The following SLC44A2 variants were observed in gnomAD, a reference collection of about 807,000 sequenced individuals.
SLC44A2 encodes choline transporter-like protein 2.
A neutral mutation model predicts 90.8 loss-of-function variants in SLC44A2; 57 were observed. The observed-to-expected ratio is 0.63, with a 90% CI of 0.51 to 0.78. SLC44A2 has a LOEUF of 0.78. SLC44A2 is among the 30% of genes least tolerant of loss of function. The pLI, the probability that SLC44A2 is intolerant of heterozygous loss-of-function variation, is 0.00. For synonymous variants in SLC44A2, 355 were observed against 360.7 expected, an observed-to-expected ratio of 0.98 and a Z score of 0.18; for missense variants, 794 against 919.7, an observed-to-expected ratio of 0.86 and a Z score of 1.77.
At chr19:10,640,135 C>T (rs988019014) in intron 20 of SLC44A2, among the ~76,000 whole-genome samples, 5 of 143,880 alleles carry the variant, frequency 3.5e-5, no homozygotes, top group South Asian at 4.3e-4. Context: ...CTGTCACCCA[C>T]GCTGGAGTGC....
At position 10,636,319 on chromosome 19, in the gene SLC44A2, A is replaced by G. The variant is rs1371040092; in HGVS notation, c.1234-4A>G. ...TGGACTCGGTTCTCCCTTCTCTCCCACAGACCTTCCCCTCCTCCAATGAGT... is the reference window on the plus strand; with the variant it reads ...TGGACTCGGTTCTCCCTTCTCTCCCGCAGACCTTCCCCTCCTCCAATGAGT... On this transcript the variant is annotated splice_polypyrimidine_tract_variant and splice_region_variant and intron_variant, in intron 14 of 21. Transcript: ENST00000335757. 1 of 1,607,296 alleles carries G rather than the reference A, an allele frequency of 6.2e-7. No homozygotes were observed. The highest frequency in any genetic ancestry group is 8.5e-7 in the Non-Finnish European group (1 of 1,176,232).
intron 20 of SLC44A2, among the ~76,000 whole-genome samples, chr19:10,641,936 G>T (rs2067120551): frequency 1.3e-5 from 2 of 152,092 alleles, no homozygotes. Flanking sequence ...GAGGCAGGTG[G>T]ATCACCTGAA....
chr19:10,605,982 A>C (rs754725056), intron 1 of SLC44A2, among the ~76,000 whole-genome samples: 6 of 152,062 alleles, frequency 3.9e-5, no homozygotes, highest in African/African-American at 1.4e-4. Context: ...CTATGGAGCG[A>C]GACTCCATCT....
chr19:10,635,361 A>G, intron 13 of SLC44A2, 70 bp from the exon 14 acceptor site: 15 of 1,604,172 alleles, frequency 9.4e-6, no homozygotes, highest in Non-Finnish European at 1.3e-5. Flanking sequence ...TGGTGGGAGA[A>G]TGGATTCTTT....
In SLC44A2 at chr19:10,628,267, C is replaced by T. The variant is rs141623382; in HGVS notation, c.245+263C>T. Among the ~76,000 whole-genome samples the T allele has an allele frequency of 4.9e-4, 74 of 152,326 alleles. No individual in the cohort carries two copies. The East Asian group carries it at 0.013, about 27-fold the overall frequency. On this transcript the variant is annotated intron_variant, in intron 4 of 21. Transcript: ENST00000335757. ...AGGCATGGTGGCACATGCCTGTAAT[C>T]CCAGCTACTCAGGAGGCTGAGGCAG...
rs150141328 is a variant in SLC44A2 at position 10,631,295 on chromosome 19, C to G, written c.351C>G (p.Pro117=). The G allele has an allele frequency of 6.8e-6, 11 of 1,614,104 alleles. No individual in the cohort carries two copies. The highest frequency in any genetic ancestry group is 6.6e-5 in the South Asian group (6 of 91,080). ...CCCAGATCTGCGTGGAAAAATGCCC[C>G]GACCGCTACCTCACGTACCTGAATG... ...PTPQICVEKC[P]DRYLTYLNAR... Residue 117 remains proline, a synonymous_variant, in exon 6 of 22, where the codon CCC becomes CCG. Coordinates refer to ENST00000335757, the MANE Select transcript of SLC44A2 (RefSeq NM_020428.4).
intron 10 of SLC44A2, among the ~76,000 whole-genome samples, chr19:10,634,476 AAAAG>A (rs1055174566): frequency 6.6e-6 from 1 of 151,914 alleles, no homozygotes; most frequent in Non-Finnish European, 1.5e-5. Context: ...AAAAAAAAAA[AAAAG>A]AGAGAGAACT....
intron 20 of SLC44A2, 177 bp from the exon 21 acceptor site, chr19:10,642,190 A>T: frequency 1.9e-6 from 1 of 532,214 alleles, no homozygotes; most frequent in Non-Finnish European, 3.4e-6. Flanking sequence ...AGAGAGAAAG[A>T]GGATTTTGTG....
At chr19:10,616,780 TTG>T (rs2066858467) in intron 1 of SLC44A2, among the ~76,000 whole-genome samples, 1 of 152,046 alleles carries the variant, frequency 6.6e-6, no homozygotes, top group Non-Finnish European at 1.5e-5. Flanking sequence ...TCTTGCTCTG[TTG>T]CCAAGGCTGT....
At chr19:10,620,827 A>C (rs1227521066), upstream of SLC44A2, among the ~76,000 whole-genome samples, 2 of 152,018 alleles carry the variant, frequency 1.3e-5, no homozygotes, top group Admixed American at 1.3e-4. Context: ...CCCATTGAGC[A>C]CAGGAGTTTG....
At chr19:10,631,777 G>A (rs375851224) in intron 8 of SLC44A2, 28 bp downstream of exon 8, 30 of 1,613,956 alleles carry the variant, frequency 1.9e-5, no homozygotes, top group Middle Eastern at 3.3e-4. Flanking sequence ...CCGCGCCAGG[G>A]TCTCACTTTG....
At chr19:10,612,229 G>A (rs1918323472) in intron 1 of SLC44A2, among the ~76,000 whole-genome samples, 1 of 151,962 alleles carries the variant, frequency 6.6e-6, no homozygotes, top group African/African-American at 2.4e-5. Flanking sequence ...AAAATTAGCG[G>A]GGCGTGGTGG....
intron 1 of SLC44A2, among the ~76,000 whole-genome samples, chr19:10,616,214 A>G (rs2066854002): frequency 6.6e-6 from 1 of 152,026 alleles, no homozygotes; most frequent in South Asian, 2.1e-4. Flanking sequence ...ATTTATTGAA[A>G]CAGAGTGAAA....
intron 1 of SLC44A2, among the ~76,000 whole-genome samples, chr19:10,615,523 G>A (rs532686540): frequency 6.6e-6 from 1 of 151,108 alleles, no homozygotes; most frequent in South Asian, 2.1e-4. Context: ...GCCGTGAGCC[G>A]AGATCACACC....
Position 10,631,636 on chromosome 19 carries a change from A to G in SLC44A2, c.513A>G (p.Arg171=). The change falls in exon 8 of 22, where the codon AGA becomes AGG. Residue 171 remains arginine (R), a synonymous_variant. Transcript: ENST00000335757. ...CTCTGCTCCATGCAGTGGCCCGGAG[A>G]TGCTTCCCCGCTATCCACGCCTACA... is the stretch of plus-strand genomic sequence containing the variant. ...VLIPSKPLAR[R]CFPAIHAYKG... is the part of the protein sequence containing the mutation. 2 of 1,613,816 alleles carry G rather than the reference A, an allele frequency of 1.2e-6. No homozygotes were observed. Among genetic ancestry groups the G allele is most frequent in the Non-Finnish European group, 1.7e-6 (2 of 1,180,024 alleles).
intron 1 of SLC44A2, among the ~76,000 whole-genome samples, chr19:10,615,927 G>A (rs1486837095): frequency 5.9e-5 from 9 of 151,964 alleles, no homozygotes; most frequent in East Asian, 1.9e-4. Context: ...CACTTTGGGC[G>A]GCCAAAGCGG....
At chr19:10,607,655 T>A (rs1181937348) in intron 1 of SLC44A2, among the ~76,000 whole-genome samples, 1 of 150,044 alleles carries the variant, frequency 6.7e-6, no homozygotes, top group African/African-American at 2.4e-5. Flanking sequence ...CACACCCAGC[T>A]TTTTTTTGTT....
chr19:10,612,865 G>A (rs896637132), intron 1 of SLC44A2, among the ~76,000 whole-genome samples: 3 of 152,172 alleles, frequency 2.0e-5, no homozygotes, highest in Admixed American at 6.6e-5. Context: ...TTGCCGCAAC[G>A]TTATCTCTGC....
intron 20 of SLC44A2, among the ~76,000 whole-genome samples, chr19:10,638,802 C>CTT (rs769937779): frequency 1.5e-5 from 2 of 136,580 alleles, no homozygotes; most frequent in Non-Finnish European, 1.6e-5. Context: ...ACCTGGCTAA[C>CTT]TTTTTTTTTT....
Sources: allele counts gnomAD v4.1 joint callset (sites outside exome capture counted in the v4.1 genomes callset), GRCh38; gene constraint gnomAD v4.1.1; transcripts MANE v1.5; gene names NCBI Gene and HGNC (gene_info 2026-07-23, HGNC 2026-07-21).